The following POLA1 variants were observed in gnomAD, a reference collection of about 807,000 sequenced individuals.
POLA1 encodes DNA polymerase alpha catalytic subunit.
Under a neutral mutation model 124.0 loss-of-function variants are expected in POLA1, and 15 were observed. The observed-to-expected ratio is 0.12, with a 90% CI of 0.08 to 0.19. The LOEUF is 0.19. POLA1 is among the 10% of genes least tolerant of loss of function. The pLI is 1.00. For missense variants in POLA1, 886 were observed against 1,103.4 expected, an observed-to-expected ratio of 0.80 and a Z score of 2.79; for synonymous variants, 408 against 389.4, an observed-to-expected ratio of 1.05 and a Z score of -0.56.
At chrX:24,859,372 C>G (rs1316124967) in intron 34 of POLA1, among the ~76,000 whole-genome samples, 4 of 111,436 alleles carry the variant, frequency 3.6e-5, no homozygotes, top group Admixed American at 1.9e-4. Flanking sequence ...CACTGGAGAG[C>G]TTGGCATTCC....
intron 33 of POLA1, among the ~76,000 whole-genome samples, chrX:24,843,185 A>C (rs1361489624): frequency 8.9e-6 from 1 of 112,234 alleles, no homozygotes; most frequent in Admixed American, 9.4e-5. Context: ...AATAAATACA[A>C]ATTTAAAGTT....
chrX:24,863,090 T>C, intron 34 of POLA1, among the ~76,000 whole-genome samples: 1 of 112,335 alleles, frequency 8.9e-6, no homozygotes, highest in Admixed American at 9.4e-5. Context: ...CCTTTCTCTA[T>C]AATTGCTTAC....
chrX:24,817,607 CAAA>C (rs1171262514), intron 30 of POLA1, among the ~76,000 whole-genome samples: 2 of 33,485 alleles, frequency 6.0e-5, no homozygotes, highest in Admixed American at 4.0e-4. Flanking sequence ...GATTCCATCT[CAAA>C]AAAAAAAAAA....
chrX:24,717,403 A>G lies in POLA1; in HGVS notation c.820A>G (p.Met274Val), dbSNP rs182025721. Reference sequence around the variant, plus strand: ...AGTTGAAGAGGTGGACCTGGAGCCTATGGCTGCCAAGGCTTGGGACAAAGA... The same window carrying G: ...AGTTGAAGAGGTGGACCTGGAGCCTGTGGCTGCCAAGGCTTGGGACAAAGA... Reference protein sequence around the residue: ...MEVEEVDLEPMAAKAWDKESE... With the variant: ...MEVEEVDLEPVAAKAWDKESE... The change falls in exon 9 of 37, where the codon ATG becomes GTG. Residue 274 changes from methionine (M) to valine (V), a missense_variant. Around this residue, in one of 7 missense-constraint regions of POLA1, gnomAD observed 337 missense variants for 402.8 expected, o/e 0.84. Coordinates refer to ENST00000379068, the MANE Select transcript of POLA1 (RefSeq NM_001330360.2). The G allele has an allele frequency of 8.8e-5, 106 of 1,208,940 alleles. No individual in the cohort carries two copies. The East Asian group carries it at 2.5e-3, about 29-fold the overall frequency.
intron 25 of POLA1, 107 bp from the exon 26 acceptor site, chrX:24,748,763 G>T: frequency 1.3e-6 from 1 of 795,770 alleles, no homozygotes; most frequent in Non-Finnish European, 1.8e-6. Context: ...TTTTATTCAG[G>T]GATATTGAGG....
Position 24,812,712 on chromosome X carries a change from G to A in POLA1, c.3145G>A (p.Val1049Ile), listed in dbSNP as rs763995125. The A allele has an allele frequency of 5.6e-5, 67 of 1,200,349 alleles. No homozygotes were observed. The East Asian group carries it at 1.9e-3, about 34-fold the overall frequency. ...YKLLEIDIDG[V>I]FKSLLLLKKK... is the part of the protein sequence containing the mutation. ...ACTGCTTGAAATAGACATTGATGGG[G>A]TTTTCAAGTCTCTGCTACTGCTGAA... The change falls in exon 29 of 37, where the codon GTT becomes ATT. Residue 1049 changes from valine (V) to isoleucine (I), a missense_variant. Physicochemically the swap from Val to Ile is conservative, Grantham distance 29 (BLOSUM62 3). Transcript: ENST00000379068.
chrX:24,968,428 A>G (rs1030036346), intron 36 of POLA1, among the ~76,000 whole-genome samples: 46 of 112,003 alleles, frequency 4.1e-4, no homozygotes, highest in East Asian at 1.4e-3. Context: ...GGCCGGGCGC[A>G]GTGGCTCACT....
At chrX:24,913,714 C>CA (rs1440385926) in intron 35 of POLA1, among the ~76,000 whole-genome samples, 1,098 of 83,364 alleles carry the variant, frequency 0.013, 8 homozygotes, top group Middle Eastern at 0.016. Context: ...AACTCTGTCT[C>CA]AAAAAAAAAC....
chrX:24,729,362 G>A (rs1475806088), intron 15 of POLA1, among the ~76,000 whole-genome samples: 1 of 111,712 alleles, frequency 9.0e-6, no homozygotes, highest in Non-Finnish European at 1.9e-5. Context: ...GTCAGGGGAT[G>A]TGTATGTGTG....
intron 26 of POLA1, among the ~76,000 whole-genome samples, chrX:24,751,391 A>G (rs11573376): frequency 2.4e-3 from 269 of 112,301 alleles, no homozygotes; most frequent in African/African-American, 8.4e-3. Flanking sequence ...AAATATAACA[A>G]TAACAAATCT....
At chrX:24,962,843 G>T (rs1417029559) in intron 36 of POLA1, among the ~76,000 whole-genome samples, 1 of 111,796 alleles carries the variant, frequency 8.9e-6, no homozygotes, top group Non-Finnish European at 1.9e-5. Context: ...TATTTTAAAA[G>T]TCTGCAAGAG....
intron 26 of POLA1, among the ~76,000 whole-genome samples, chrX:24,750,213 C>T (rs1214021166): frequency 8.9e-6 from 1 of 112,199 alleles, no homozygotes; most frequent in Non-Finnish European, 1.9e-5. Flanking sequence ...GATATATTTA[C>T]TCTCTGGTCT....
rs192218602 is a variant in POLA1, at chrX:24,747,502, A to T, written c.2692-809A>T. Among the ~76,000 whole-genome samples the T allele has an allele frequency of 2.7e-4, 30 of 110,755 alleles. No individual in the cohort carries two copies. The East Asian group carries it at 8.6e-3, about 32-fold the overall frequency. ...TAAATTTGCTGATTTATTAGCTTTT[A>T]ATTATTAGTCTACAGCATTTACAAT... On this transcript the variant is annotated intron_variant, in intron 24 of 36. Transcript: ENST00000379068.
At chrX:24,803,510 T>G (rs2045750782) in intron 26 of POLA1, among the ~76,000 whole-genome samples, 1 of 111,268 alleles carries the variant, frequency 9.0e-6, no homozygotes, top group Non-Finnish European at 1.9e-5. Context: ...CAACAGGTGT[T>G]GGATGTTATT....
At chrX:24,947,025 T>C (rs999269551) in intron 36 of POLA1, among the ~76,000 whole-genome samples, 12 of 111,110 alleles carry the variant, frequency 1.1e-4, no homozygotes, top group Non-Finnish European at 2.1e-4. Context: ...TGGGCTGTGA[T>C]ATCATGTATC....
At chrX:24,726,398 G>A (rs1360739833) in intron 13 of POLA1, among the ~76,000 whole-genome samples, 1 of 111,927 alleles carries the variant, frequency 8.9e-6, no homozygotes, top group African/African-American at 3.2e-5. Context: ...AGAGAGGAGT[G>A]TCAGTAGCAT....
intron 26 of POLA1, among the ~76,000 whole-genome samples, chrX:24,770,573 G>GTT: frequency 9.0e-6 from 1 of 111,399 alleles, no homozygotes; most frequent in Non-Finnish European, 1.9e-5. Flanking sequence ...GGGTAACCAA[G>GTT]TTTTTTGTTT....
chrX:24,788,491 A>T lies in POLA1; in HGVS notation c.2965-21407A>T, dbSNP rs374202765. The T allele has an allele frequency of 5.0e-6, 6 of 1,194,668 alleles. No individual in the cohort carries two copies. In the South Asian group the frequency reaches 5.3e-5, roughly 11 times the overall value. The stretch of plus-strand genomic sequence containing the variant: ...TATCTGTTCCGACTTTATCATCTTC[A>T]ACTACACACTGTATTTGAAGTTTCT... On this transcript the variant is annotated intron_variant, in intron 26 of 36. Coordinates refer to ENST00000379068, the MANE Select transcript of POLA1 (RefSeq NM_001330360.2).
At chrX:24,893,573 C>T (rs1207021150) in intron 35 of POLA1, among the ~76,000 whole-genome samples, 2 of 111,302 alleles carry the variant, frequency 1.8e-5, no homozygotes, top group Non-Finnish European at 3.8e-5. Context: ...CCCCATTTCC[C>T]CCTCCTTCTA....
Sources: allele counts gnomAD v4.1 joint callset (sites outside exome capture counted in the v4.1 genomes callset), GRCh38; gene constraint gnomAD v4.1.1; regional missense constraint gnomAD v4.1.1; transcripts MANE v1.5; gene names NCBI Gene and HGNC (gene_info 2026-07-23, HGNC 2026-07-21).